Variants in SNTB1 observed in about 807,000 individuals in gnomAD.
SNTB1 encodes syntrophin beta 1.
Under a neutral mutation model 48.9 loss-of-function variants are expected in SNTB1, and 36 were observed. The ratio of observed to expected loss-of-function variants is 0.74; its 90% CI spans 0.56 to 0.97. The LOEUF is 0.97. Ranked by LOEUF, SNTB1 falls within the 50% of genes least tolerant of loss-of-function variation. The probability of loss-of-function intolerance (pLI) is 0.00; values close to 1 mark genes in which losing one functional copy is unlikely to be tolerated. For synonymous variants in SNTB1, 299 were observed against 294.6 expected, an observed-to-expected ratio of 1.01 and a Z score of -0.15; for missense variants, 786 against 703.4, an observed-to-expected ratio of 1.12 and a Z score of -1.33.
chr8:120,697,597 A>G (rs1323951917), intron 1 of SNTB1, among the ~76,000 whole-genome samples: 1 of 152,224 alleles, frequency 6.6e-6, no homozygotes, highest in Non-Finnish European at 1.5e-5. Context: ...TCCTTTCTGG[A>G]GGAAGGCAAC....
intron 3 of SNTB1, among the ~76,000 whole-genome samples, chr8:120,595,239 C>T (rs1468250620): frequency 6.6e-6 from 1 of 152,098 alleles, no homozygotes; most frequent in Non-Finnish European, 1.5e-5. Flanking sequence ...ATGGTTAAGG[C>T]ATTCTAATTC....
At chr8:120,748,272 T>C in intron 1 of SNTB1, among the ~76,000 whole-genome samples, 1 of 152,230 alleles carries the variant, frequency 6.6e-6, no homozygotes, top group East Asian at 1.9e-4. Context: ...GTTGTTTGTT[T>C]TGGAGTGGGT....
intron 3 of SNTB1, among the ~76,000 whole-genome samples, chr8:120,594,488 T>C (rs1816292330): frequency 6.6e-6 from 1 of 152,160 alleles, no homozygotes. Flanking sequence ...TCCACCTGCC[T>C]CGGCCTCCCA....
chr8:120,693,570 A>G, intron 2 of SNTB1, 122 bp downstream of exon 2: 1 of 798,216 alleles, frequency 1.3e-6, no homozygotes, highest in Non-Finnish European at 2.1e-6. Flanking sequence ...TGGCCCTTTC[A>G]TGCTTTTCTT....
intron 3 of SNTB1, among the ~76,000 whole-genome samples, chr8:120,611,822 GAAAAA>G (rs397892337): frequency 9.8e-4 from 57 of 58,448 alleles, no homozygotes; most frequent in African/African-American, 3.7e-3. Flanking sequence ...ACTCTGTCTC[GAAAAA>G]AAAAAAAAAA....
intron 2 of SNTB1, among the ~76,000 whole-genome samples, chr8:120,665,932 C>G (rs940180924): frequency 6.6e-6 from 1 of 152,136 alleles, no homozygotes; most frequent in African/African-American, 2.4e-5. Context: ...ATTCGTCTAT[C>G]TTATTGTCAA....
chr8:120,734,953 A>C (rs1488212486), intron 1 of SNTB1, among the ~76,000 whole-genome samples: 1 of 152,258 alleles, frequency 6.6e-6, no homozygotes, highest in Admixed American at 6.5e-5. Context: ...AAACCAGCCC[A>C]TAAAAGAACT....
chr8:120,542,523 G>A (rs1201312337), intron 5 of SNTB1, among the ~76,000 whole-genome samples: 2 of 152,132 alleles, frequency 1.3e-5, no homozygotes, highest in African/African-American at 4.8e-5. Flanking sequence ...ACATGGTGGT[G>A]TGTGCCTGTA....
intron 1 of SNTB1, among the ~76,000 whole-genome samples, chr8:120,770,911 T>C (rs1490622031): frequency 6.6e-6 from 1 of 152,232 alleles, no homozygotes; most frequent in Non-Finnish European, 1.5e-5. Context: ...TCTGGTCCCA[T>C]GTTTACAGAC....
intron 1 of SNTB1, among the ~76,000 whole-genome samples, chr8:120,803,791 A>G (rs968804029): frequency 1.3e-5 from 2 of 152,204 alleles, no homozygotes; most frequent in Admixed American, 1.3e-4. Flanking sequence ...TATGCTTAAA[A>G]AAGAAGCAAT....
chr8:120,756,733 T>C (rs76286229), intron 1 of SNTB1, among the ~76,000 whole-genome samples: 1,648 of 152,270 alleles, frequency 0.011, 30 homozygotes, highest in African/African-American at 0.038. Context: ...TTCCCTAGCT[T>C]GGGATAATGG....
At chr8:120,787,724 G>A (rs1368297883) in intron 1 of SNTB1, among the ~76,000 whole-genome samples, 1 of 152,084 alleles carries the variant, frequency 6.6e-6, no homozygotes, top group African/African-American at 2.4e-5. Flanking sequence ...TAAGAAATAT[G>A]GGATTATGTA....
chr8:120,804,857 G>A (rs1276242797), intron 1 of SNTB1, among the ~76,000 whole-genome samples: 1 of 152,062 alleles, frequency 6.6e-6, no homozygotes, highest in Non-Finnish European at 1.5e-5. Flanking sequence ...CTACCTGAAG[G>A]CATTTGCCTT....
In SNTB1 at chr8:120,640,634, A is replaced by C. The variant is rs528219861; in HGVS notation, c.789-7983T>G. Among the ~76,000 whole-genome samples, 115 of 152,336 alleles carry C rather than the reference A, an allele frequency of 7.5e-4. 1 individual carries two copies. The highest frequency in any genetic ancestry group is 2.7e-3 in the African/African-American group (111 of 41,586). ...AGGCCTTTTCTGCATCTATTGAGATAACCATGTGGTTTTTGTCTTTGGTTC... is the reference window on the plus strand; with the variant it reads ...AGGCCTTTTCTGCATCTATTGAGATCACCATGTGGTTTTTGTCTTTGGTTC... On this transcript the variant is annotated intron_variant, in intron 2 of 6. Transcript: ENST00000517992.
intron 1 of SNTB1, among the ~76,000 whole-genome samples, chr8:120,743,433 T>C (rs374100399): frequency 2.4e-4 from 37 of 152,338 alleles, no homozygotes; most frequent in South Asian, 2.3e-3. Context: ...TGTTAACTGA[T>C]ATCCGCAATG....
intron 1 of SNTB1, among the ~76,000 whole-genome samples, chr8:120,737,685 G>C (rs1818971699): frequency 6.6e-6 from 1 of 152,174 alleles, no homozygotes; most frequent in South Asian, 2.1e-4. Flanking sequence ...GTATGTCTTG[G>C]TGAAGTCTGG....
chr8:120,694,585 C>A (rs918220649), intron 1 of SNTB1, among the ~76,000 whole-genome samples: 3 of 150,992 alleles, frequency 2.0e-5, no homozygotes, highest in Non-Finnish European at 2.9e-5. Context: ...ATATATATAT[C>A]TCTTTCTCTC....
At chr8:120,716,556 T>C (rs758924743) in intron 1 of SNTB1, among the ~76,000 whole-genome samples, 4 of 152,168 alleles carry the variant, frequency 2.6e-5, no homozygotes, top group Non-Finnish European at 4.4e-5. Flanking sequence ...GGTTAAGATA[T>C]AGGTCTCTGT....
At chr8:120,611,229 G>A (rs1816617341) in intron 3 of SNTB1, among the ~76,000 whole-genome samples, 2 of 152,146 alleles carry the variant, frequency 1.3e-5, no homozygotes, top group Non-Finnish European at 1.5e-5. Flanking sequence ...GGATTCCTTA[G>A]ATCTCTGTTC....
Sources: gnomAD v4.1 joint callset for allele counts (sites outside exome capture counted in the v4.1 genomes callset) on GRCh38, gnomAD v4.1.1 for gene constraint, MANE v1.5 for transcripts, NCBI Gene and HGNC (gene_info 2026-07-23, HGNC 2026-07-21) for gene names.